Variants in ZDHHC14 observed in about 807,000 individuals in gnomAD.
ZDHHC14 encodes the protein palmitoyltransferase ZDHHC14.
ZDHHC14 carries 16 observed loss-of-function variants against 47.7 expected under a neutral mutation model. The observed-to-expected ratio is 0.34, with a 90% CI of 0.23 to 0.51. The LOEUF (loss-of-function observed/expected upper bound fraction) is 0.51, where lower values mean the gene tolerates loss of function less well. Ranked by LOEUF, ZDHHC14 falls within the 20% of genes least tolerant of loss-of-function variation. ZDHHC14 has a pLI of 0.97. For synonymous variants in ZDHHC14, 293 were observed against 278.9 expected (o/e 1.05, Z -0.50); for missense variants, 515 against 662.5 (o/e 0.78, Z 2.44).
chr6:157,624,250 T>G (rs2114944110), intron 3 of ZDHHC14, among the ~76,000 whole-genome samples: 1 of 152,354 alleles, frequency 6.6e-6, no homozygotes, highest in South Asian at 2.1e-4. Flanking sequence ...GCTCTTTAGC[T>G]TCCGCTCCTC....
chr6:157,579,689 G>T (rs1783446297), intron 2 of ZDHHC14, among the ~76,000 whole-genome samples: 1 of 152,084 alleles, frequency 6.6e-6, no homozygotes, highest in Admixed American at 6.5e-5. Flanking sequence ...CTCTTGGTTT[G>T]GATGTTGTTG....
At chr6:157,672,416 T>G (rs1226063508) in intron 8 of ZDHHC14, among the ~76,000 whole-genome samples, 2 of 152,198 alleles carry the variant, frequency 1.3e-5, no homozygotes, top group Non-Finnish European at 2.9e-5. Flanking sequence ...CAAGAGATTT[T>G]TTTAATTATG....
At chr6:157,400,261 C>G (rs1490954745) in intron 1 of ZDHHC14, among the ~76,000 whole-genome samples, 3 of 152,306 alleles carry the variant, frequency 2.0e-5, no homozygotes. Flanking sequence ...TGTGGTGACC[C>G]TCTCCCTGTG....
chr6:157,515,451 CTTTTTCTTTTTTTT>C (rs1278839770), intron 1 of ZDHHC14, among the ~76,000 whole-genome samples: 1 of 142,256 alleles, frequency 7.0e-6, no homozygotes, highest in Non-Finnish European at 1.5e-5. Flanking sequence ...CTTTCTTTTT[CTTTTTCTTTTTTTT>C]TTTTTTTTTT....
intron 2 of ZDHHC14, among the ~76,000 whole-genome samples, chr6:157,556,154 G>C (rs138107119): frequency 1.3e-5 from 2 of 151,894 alleles, no homozygotes; most frequent in Non-Finnish European, 2.9e-5. Flanking sequence ...TGGCGTACTC[G>C]GAGTAATTAG....
At chr6:157,438,713 C>T (rs1222077479) in intron 1 of ZDHHC14, among the ~76,000 whole-genome samples, 1 of 152,198 alleles carries the variant, frequency 6.6e-6, no homozygotes, top group Non-Finnish European at 1.5e-5. Flanking sequence ...CTGCTTATCT[C>T]AGGCATTGTT....
chr6:157,609,689 G>A (rs142170828), intron 3 of ZDHHC14, among the ~76,000 whole-genome samples: 6,271 of 152,302 alleles, frequency 0.041, 179 homozygotes, highest in Non-Finnish European at 0.062. Flanking sequence ...ACAGAATAGG[G>A]ACCAGAGGAG....
At chr6:157,624,316 G>A (rs1785317064) in intron 3 of ZDHHC14, among the ~76,000 whole-genome samples, 1 of 152,198 alleles carries the variant, frequency 6.6e-6, no homozygotes, top group Non-Finnish European at 1.5e-5. Flanking sequence ...GACAGGATGG[G>A]CCACCATGTG....
intron 1 of ZDHHC14, among the ~76,000 whole-genome samples, chr6:157,448,987 G>A (rs770322284): frequency 5.3e-5 from 8 of 152,208 alleles, no homozygotes; most frequent in Non-Finnish European, 7.3e-5. Context: ...CTAGTGGCTT[G>A]CCCAAGGTCA....
At chr6:157,421,282 G>A (rs1378701633) in intron 1 of ZDHHC14, among the ~76,000 whole-genome samples, 1 of 151,664 alleles carries the variant, frequency 6.6e-6, no homozygotes, top group Non-Finnish European at 1.5e-5. Context: ...GGTGGATCAC[G>A]AGGTCAGGAG....
chr6:157,575,618 C>A (rs184655744), intron 2 of ZDHHC14, among the ~76,000 whole-genome samples: 1 of 152,344 alleles, frequency 6.6e-6, no homozygotes, highest in African/African-American at 2.4e-5. Context: ...CACACCCCCA[C>A]ACACATTGTC....
At chr6:157,628,272 G>A in intron 3 of ZDHHC14, 77 bp from the exon 4 acceptor site, 1 of 1,466,546 alleles carries the variant, frequency 6.8e-7, no homozygotes, top group African/African-American at 1.4e-5. Flanking sequence ...TGGGTGGGAG[G>A]GGCGGGGCTC....
intron 8 of ZDHHC14, among the ~76,000 whole-genome samples, chr6:157,661,936 G>T (rs570140015): frequency 6.6e-6 from 1 of 152,124 alleles, no homozygotes; most frequent in South Asian, 2.1e-4. Context: ...CAATTCTCCT[G>T]CCTCAGCCTC....
intron 1 of ZDHHC14, among the ~76,000 whole-genome samples, chr6:157,417,616 C>A (rs1389228339): frequency 6.6e-6 from 1 of 152,194 alleles, no homozygotes; most frequent in Non-Finnish European, 1.5e-5. Context: ...TATCAGATGG[C>A]TTTCAGCTGC....
At chr6:157,473,612 C>T (rs1349457832) in intron 1 of ZDHHC14, among the ~76,000 whole-genome samples, 1 of 152,130 alleles carries the variant, frequency 6.6e-6, no homozygotes, top group Non-Finnish European at 1.5e-5. Context: ...ATTATTCTTA[C>T]TGGTTGAGCA....
rs1324133655 is a variant in ZDHHC14, at chr6:157,381,565, C to T, written c.-457C>T. On this transcript the variant is annotated 5_prime_UTR_variant, in exon 1 of 9. Coordinates refer to ENST00000359775, the MANE Select transcript of ZDHHC14 (RefSeq NM_024630.3). Reference sequence around the variant, plus strand: ...ACCTGGCCGCGCCGCAGAAGTGGCTCCCGAGGAAGCCGGCGCCGGGGCCGC... The same window carrying T: ...ACCTGGCCGCGCCGCAGAAGTGGCTTCCGAGGAAGCCGGCGCCGGGGCCGC... 2 of 401,776 alleles carry T rather than the reference C, an allele frequency of 5.0e-6. No homozygotes were observed. Among genetic ancestry groups the T allele is most frequent in the South Asian group, 1.7e-5 (1 of 59,580 alleles). The allele number at this position is 401,776 out of a possible 1,614,324, so 24.9% of individuals were successfully genotyped here.
chr6:157,531,291 GCC>G (rs35831496), intron 1 of ZDHHC14, among the ~76,000 whole-genome samples: 1 of 151,420 alleles, frequency 6.6e-6, no homozygotes, highest in East Asian at 2.0e-4. Flanking sequence ...CAACGCCCCT[GCC>G]CCCCCCGGAC....
At chr6:157,406,604 CCTT>C (rs1236778099) in intron 1 of ZDHHC14, among the ~76,000 whole-genome samples, 15 of 152,152 alleles carry the variant, frequency 9.9e-5, no homozygotes, top group African/African-American at 3.4e-4. Flanking sequence ...GAAAGTCACT[CCTT>C]CTTCAAAATG....
chr6:157,610,294 C>T (rs1004998340), intron 3 of ZDHHC14, among the ~76,000 whole-genome samples: 17 of 152,026 alleles, frequency 1.1e-4, no homozygotes, highest in African/African-American at 3.9e-4. Flanking sequence ...TAGTCAGGCG[C>T]GGTGGCAGGT....
Sources: allele counts gnomAD v4.1 joint callset (sites outside exome capture counted in the v4.1 genomes callset), GRCh38; gene constraint gnomAD v4.1.1; transcripts MANE v1.5; gene names NCBI Gene and HGNC (gene_info 2026-07-23, HGNC 2026-07-21).